Variants in LDAH observed in about 807,000 individuals in gnomAD.
LDAH encodes the protein lipid droplet-associated hydrolase.
A neutral mutation model predicts 29.6 loss-of-function variants in LDAH; 26 were observed. The ratio of observed to expected loss-of-function variants is 0.88; its 90% CI spans 0.64 to 1.22. LDAH has a LOEUF of 1.22. Ranked by LOEUF, LDAH falls within the 50% of genes most tolerant of loss-of-function variation. LDAH has a pLI of 0.00. For missense variants in LDAH, 344 were observed against 387.3 expected (o/e 0.89, Z 0.94); for synonymous variants, 117 against 133.0 (o/e 0.88, Z 0.83).
At position 20,685,544 on chromosome 2, in the gene LDAH, T is replaced by C. The variant is rs1289099240; in HGVS notation, c.*1359A>G. 3.9e-6 allele frequency: 6 copies of C among 1,550,368 alleles called. No homozygotes were observed. The highest frequency in any genetic ancestry group is 2.7e-5 in the African/African-American group (2 of 73,160). On this transcript the variant is annotated 3_prime_UTR_variant, in exon 7 of 7. Coordinates refer to ENST00000237822, the MANE Select transcript of LDAH (RefSeq NM_021925.4). ...AAAGCACAGTAACTCATTCAGCACT[T>C]ACCAATAAGTTGGCAGCAAATCAGA...
At chr2:20,751,718 A>G (rs1375042089) in intron 4 of LDAH, among the ~76,000 whole-genome samples, 1 of 152,266 alleles carries the variant, frequency 6.6e-6, no homozygotes, top group Non-Finnish European at 1.5e-5. Flanking sequence ...GATATTAGGT[A>G]AAGCCTCTAA....
At chr2:20,752,145 G>C (rs1668013436) in intron 4 of LDAH, among the ~76,000 whole-genome samples, 1 of 151,978 alleles carries the variant, frequency 6.6e-6, no homozygotes, top group Non-Finnish European at 1.5e-5. Flanking sequence ...TTCCACTTTG[G>C]CTTCCCAAAG....
At chr2:20,689,070 T>A (rs972792822) in intron 6 of LDAH, among the ~76,000 whole-genome samples, 1 of 152,060 alleles carries the variant, frequency 6.6e-6, no homozygotes, top group African/African-American at 2.4e-5. Context: ...CTCCCACTTA[T>A]GAGTGAGAAC....
chr2:20,760,758 G>T (rs1450252691), intron 4 of LDAH, among the ~76,000 whole-genome samples: 2 of 152,178 alleles, frequency 1.3e-5, no homozygotes, highest in Admixed American at 1.3e-4. Context: ...CTGCAAGACA[G>T]GCCTTACAAT....
intron 3 of LDAH, among the ~76,000 whole-genome samples, chr2:20,780,928 T>C (rs764085051): frequency 2.6e-5 from 4 of 152,172 alleles, no homozygotes; most frequent in Non-Finnish European, 5.9e-5. Flanking sequence ...CTCCCAGTCC[T>C]GGCAAGAGAA....
At position 20,685,025 on chromosome 2, in the gene LDAH, C is replaced by T; in HGVS notation, c.*1878G>A. On this transcript the variant is annotated 3_prime_UTR_variant, in exon 7 of 7. Transcript: ENST00000237822. The stretch of plus-strand genomic sequence containing the variant: ...TGCTCAAATTGTACCCTCTCTTGCC[C>T]AACACAGAGATCAGGCCAGACCAGG... 6.9e-7 allele frequency: 1 copy of T among 1,455,284 alleles called. No individual in the cohort carries two copies. The highest frequency in any genetic ancestry group is 1.3e-5 in the South Asian group (1 of 74,358). 90.1% of individuals were successfully genotyped at this position (1,455,284 alleles called of 1,614,324 possible).
chr2:20,721,568 A>C (rs1248444744), intron 5 of LDAH, among the ~76,000 whole-genome samples: 3 of 152,170 alleles, frequency 2.0e-5, no homozygotes, highest in Middle Eastern at 3.2e-3. Context: ...AACAAACAAA[A>C]AAAAAACCCC....
At chr2:20,794,441 G>GA (rs1332645084) in intron 2 of LDAH, among the ~76,000 whole-genome samples, 1 of 151,832 alleles carries the variant, frequency 6.6e-6, no homozygotes, top group East Asian at 1.9e-4. Context: ...ATTGCAAAAA[G>GA]AAAAAGAAAA....
At chr2:20,791,609 C>T (rs1275575351) in intron 2 of LDAH, among the ~76,000 whole-genome samples, 2 of 152,106 alleles carry the variant, frequency 1.3e-5, no homozygotes, top group Admixed American at 1.3e-4. Flanking sequence ...TCCTCAAATG[C>T]AGAAATATAT....
chr2:20,767,485 C>T (rs780543291), intron 4 of LDAH, among the ~76,000 whole-genome samples: 23 of 152,198 alleles, frequency 1.5e-4, no homozygotes, highest in African/African-American at 4.3e-4. Flanking sequence ...CTCTGGACTT[C>T]GGGTGCTGAC....
At chr2:20,751,986 G>T (rs1668005408) in intron 4 of LDAH, among the ~76,000 whole-genome samples, 1 of 152,050 alleles carries the variant, frequency 6.6e-6, no homozygotes, top group Admixed American at 6.5e-5. Context: ...CAACCTCCTG[G>T]GCTCAAGTGA....
chr2:20,712,792 T>C (rs1190036725), intron 5 of LDAH, among the ~76,000 whole-genome samples: 1 of 152,112 alleles, frequency 6.6e-6, no homozygotes, highest in Non-Finnish European at 1.5e-5. Flanking sequence ...GTATCAGTGA[T>C]TGAAGATCAA....
At chr2:20,714,798 C>G (rs1309675812) in intron 5 of LDAH, among the ~76,000 whole-genome samples, 1 of 152,160 alleles carries the variant, frequency 6.6e-6, no homozygotes, top group African/African-American at 2.4e-5. Flanking sequence ...TGGATAAATT[C>G]CTGGACACAT....
rs141413800 is a variant in LDAH at position 20,790,312 on chromosome 2, T to C, written c.241A>G (p.Ser81Gly). ...TNRRFPVWTI[S>G]HAGHALAPKD... ...GGAGCCAACGCATGCCCAGCATGAC[T>C]GATAGTCCAAACTGGAAAGCGTCTG... Residue 81 changes from serine to glycine, a missense_variant, in exon 3 of 7, where the codon AGT (serine) becomes GGT (glycine). Coordinates refer to ENST00000237822, the MANE Select transcript of LDAH (RefSeq NM_021925.4). 7.3e-4 allele frequency: 1,173 copies of C among 1,613,984 alleles called. 14 individuals carry two copies. Among genetic ancestry groups the C allele is most frequent in the Admixed American group, 1.8e-4 (11 of 60,006 alleles).
chr2:20,702,842 A>AT (rs1214079363), intron 5 of LDAH, among the ~76,000 whole-genome samples: 1 of 151,936 alleles, frequency 6.6e-6, no homozygotes, highest in African/African-American at 2.4e-5. Flanking sequence ...GATTATTATT[A>AT]TTTTTTGAGA....
At chr2:20,762,272 CA>C (rs1262096401) in intron 4 of LDAH, among the ~76,000 whole-genome samples, 1 of 151,014 alleles carries the variant, frequency 6.6e-6, no homozygotes, top group Non-Finnish European at 1.5e-5. Context: ...ATATAAATTC[CA>C]AAAAAAAGAA....
chr2:20,690,377 C>T (rs1662914387), intron 6 of LDAH, among the ~76,000 whole-genome samples: 2 of 152,230 alleles, frequency 1.3e-5, no homozygotes, highest in African/African-American at 2.4e-5. Context: ...CGATTCTCTA[C>T]AATCCTTAAA....
chr2:20,687,421 G>A (rs192176664), intron 6 of LDAH, among the ~76,000 whole-genome samples: 3 of 152,362 alleles, frequency 2.0e-5, no homozygotes, highest in East Asian at 1.9e-4. Flanking sequence ...TGAGGATGAC[G>A]AAGACAGTTA....
intron 5 of LDAH, among the ~76,000 whole-genome samples, chr2:20,716,001 G>T (rs1665152268): frequency 6.6e-6 from 1 of 152,108 alleles, no homozygotes; most frequent in Non-Finnish European, 1.5e-5. Flanking sequence ...GGTCATCAGA[G>T]AAATGCAAAT....
Sources: allele counts gnomAD v4.1 joint callset (sites outside exome capture counted in the v4.1 genomes callset), GRCh38; gene constraint gnomAD v4.1.1; transcripts MANE v1.5; gene names NCBI Gene and HGNC (gene_info 2026-07-23, HGNC 2026-07-21).